The following MYO10 variants were observed in gnomAD, a reference collection of about 807,000 sequenced individuals.
MYO10 encodes myosin X, also known as unconventional myosin-X.
In MYO10, 133 loss-of-function variants were observed where a neutral mutation model predicts 257.3. The observed-to-expected ratio is 0.52, with a 90% CI of 0.45 to 0.60. The LOEUF (loss-of-function observed/expected upper bound fraction) is 0.60, where lower values mean the gene tolerates loss of function less well. MYO10 is among the 20% of genes least tolerant of loss of function. The probability of loss-of-function intolerance (pLI) is 0.00; values close to 1 mark genes in which losing one functional copy is unlikely to be tolerated. For missense variants in MYO10, 2,399 were observed against 2,635.7 expected, an observed-to-expected ratio of 0.91 and a Z score of 1.97; for synonymous variants, 1,104 against 1,028.6, an observed-to-expected ratio of 1.07 and a Z score of -1.40.
rs1241360143 is a variant in MYO10, at chr5:16,672,796, G to A, written c.5202C>T (p.Ala1734=). ...EVVEKLIRGL[A]MEDSRNMFAL... Reference sequence around the variant, plus strand: ...CAAACATGTTCCTGCTGTCCTCCATGGCCAGGCCTCGGATCAGCTTCTCCA... The same window carrying A: ...CAAACATGTTCCTGCTGTCCTCCATAGCCAGGCCTCGGATCAGCTTCTCCA... The change falls in exon 37 of 41, where the codon GCC becomes GCT. Residue 1734 remains alanine (A), a synonymous_variant. Coordinates refer to ENST00000513610, the MANE Select transcript of MYO10 (RefSeq NM_012334.3). 2 of 1,613,716 alleles carry A rather than the reference G, an allele frequency of 1.2e-6. No individual in the cohort carries two copies. The highest frequency in any genetic ancestry group is 2.2e-5 in the South Asian group (2 of 91,024).
In MYO10 at chr5:16,676,023, G is replaced by A; in HGVS notation, c.4666+8C>T. ...CTCTGAGGAGTCGGGGTGGAGCTCT[G>A]GACTTACAGTTGAGATTTATGTCCC... On this transcript the variant is annotated splice_region_variant and intron_variant, in intron 34 of 40. Transcript: ENST00000513610. 1 of 1,606,060 alleles carries A rather than the reference G, an allele frequency of 6.2e-7. No individual in the cohort carries two copies. The highest frequency in any genetic ancestry group is 8.5e-7 in the Non-Finnish European group (1 of 1,177,264).
chr5:16,878,926 A>C (rs1744684229), intron 1 of MYO10, among the ~76,000 whole-genome samples: 1 of 151,888 alleles, frequency 6.6e-6, no homozygotes, highest in Non-Finnish European at 1.5e-5. Context: ...AGAAATCACC[A>C]CTGAATAACA....
chr5:16,857,403 G>A (rs891718676), intron 2 of MYO10, among the ~76,000 whole-genome samples: 4 of 152,174 alleles, frequency 2.6e-5, no homozygotes, highest in African/African-American at 4.8e-5. Context: ...GGAGGAAGAC[G>A]GTGTATGAGA....
intron 2 of MYO10, among the ~76,000 whole-genome samples, chr5:16,858,029 C>T (rs1313409477): frequency 6.6e-6 from 1 of 152,182 alleles, no homozygotes; most frequent in Non-Finnish European, 1.5e-5. Flanking sequence ...ACGGTCCATA[C>T]GTGAAGCTTT....
rs1367710364 is a variant in MYO10, at chr5:16,758,000, T to C, written c.1848+118A>G. 2.0e-5 allele frequency: 16 copies of C among 802,424 alleles called. No homozygotes were observed. In the East Asian group the frequency reaches 3.1e-4, roughly 16 times the overall value. 49.7% of individuals were successfully genotyped at this position (802,424 alleles called of 1,614,324 possible). ...CACTATCTGGTTTAAAAGCATGATA[T>C]AAAAGGAAACAAAAATAAACAAATA... On this transcript the variant is annotated intron_variant, in intron 18 of 40. Transcript: ENST00000513610.
In MYO10 at chr5:16,694,274, C is replaced by A. The variant is rs534026542; in HGVS notation, c.3800+97G>T. 17 of 1,557,248 alleles carry A rather than the reference C, an allele frequency of 1.1e-5. 1 individual carries two copies. Among genetic ancestry groups the A allele is most frequent in the Middle Eastern group, 2.0e-4 (1 of 5,058 alleles). On this transcript the variant is annotated intron_variant, in intron 27 of 40. Coordinates refer to ENST00000513610, the MANE Select transcript of MYO10 (RefSeq NM_012334.3). ...GAACTATCAGGACACCTGCTACAGG[C>A]TACTGCCGCTGCAAGGAACTTGCAC...
rs116487313 is a variant in MYO10 at position 16,883,296 on chromosome 5, G to A, written c.22-5589C>T. ...TTCTTAACCATTCCAGAGTAGGAAA[G>A]CCCAATCACATTTCTGTAACTGAGC... On this transcript the variant is annotated intron_variant, in intron 1 of 40. Coordinates refer to ENST00000513610, the MANE Select transcript of MYO10 (RefSeq NM_012334.3). 7.8e-3 allele frequency among the ~76,000 whole-genome samples: 1,194 copies of A among 152,268 alleles called. 9 individuals carry two copies. The highest frequency in any genetic ancestry group is 0.014 in the Middle Eastern group (4 of 294).
intron 3 of MYO10, among the ~76,000 whole-genome samples, chr5:16,813,044 A>G (rs1272155033): frequency 6.6e-6 from 1 of 152,164 alleles, no homozygotes; most frequent in East Asian, 1.9e-4. Context: ...CCAGTCCCCA[A>G]GGAGAAAAAG....
At chr5:16,883,138 A>G (rs1744804792) in intron 1 of MYO10, among the ~76,000 whole-genome samples, 1 of 151,932 alleles carries the variant, frequency 6.6e-6, no homozygotes, top group Non-Finnish European at 1.5e-5. Flanking sequence ...GATGGTCTTG[A>G]TCTCCTGACC....
At chr5:16,729,974 G>A (rs535835914) in intron 19 of MYO10, among the ~76,000 whole-genome samples, 8 of 152,164 alleles carry the variant, frequency 5.3e-5, no homozygotes, top group Non-Finnish European at 1.2e-4. Flanking sequence ...ATTAAAGGAA[G>A]AGGGGCACCG....
At chr5:16,796,111 C>G (rs1741932381) in intron 3 of MYO10, among the ~76,000 whole-genome samples, 1 of 149,732 alleles carries the variant, frequency 6.7e-6, no homozygotes, top group Non-Finnish European at 1.5e-5. Context: ...ATCTCTTGAA[C>G]CTGGGAGGTG....
chr5:16,783,232 G>A, intron 5 of MYO10, 103 bp downstream of exon 5: 1 of 1,206,412 alleles, frequency 8.3e-7, no homozygotes, highest in African/African-American at 1.5e-5. Context: ...GAGAAGTCAA[G>A]AAAAAGAGAA....
chr5:16,927,937 T>A (rs890721377), intron 1 of MYO10, among the ~76,000 whole-genome samples: 1 of 152,210 alleles, frequency 6.6e-6, no homozygotes, highest in East Asian at 1.9e-4. Context: ...AGGAATGCTC[T>A]TGGGAAAACG....
rs537141618 is a variant in MYO10, at chr5:16,935,476, CCGCGCCCCGGCG to C, written c.21+300_21+311del. On this transcript the variant is annotated intron_variant, in intron 1 of 40. Coordinates refer to ENST00000513610, the MANE Select transcript of MYO10 (RefSeq NM_012334.3). ...CAGTCGAGCGGGCGGATCGCCCCGC[CCGCGCCCCGGCG>C]CGCGCCGCCTCACCTGGCGCGGGTG... Among the ~76,000 whole-genome samples the C allele has an allele frequency of 2.8e-4, 43 of 152,198 alleles. 1 individual carries two copies. Among genetic ancestry groups the C allele is most frequent in the African/African-American group, 8.7e-4 (36 of 41,550 alleles).
chr5:16,853,171 C>T (rs1743859916), intron 2 of MYO10, among the ~76,000 whole-genome samples: 1 of 152,058 alleles, frequency 6.6e-6, no homozygotes, highest in Non-Finnish European at 1.5e-5. Context: ...GAGATCGAGA[C>T]CATCCTGGCT....
At chr5:16,883,503 G>A (rs1220348169) in intron 1 of MYO10, among the ~76,000 whole-genome samples, 1 of 152,190 alleles carries the variant, frequency 6.6e-6, no homozygotes, top group East Asian at 1.9e-4. Flanking sequence ...GTACCATGGT[G>A]TCATTGTGGA....
At chr5:16,899,180 G>A (rs2126782435) in intron 1 of MYO10, among the ~76,000 whole-genome samples, 1 of 147,962 alleles carries the variant, frequency 6.8e-6, no homozygotes, top group Non-Finnish European at 1.5e-5. Flanking sequence ...AAAGATAACA[G>A]ACACAAATGC....
intron 39 of MYO10, among the ~76,000 whole-genome samples, chr5:16,669,215 CT>C (rs1346503448): frequency 2.5e-5 from 1 of 40,292 alleles, no homozygotes; most frequent in Non-Finnish European, 6.9e-5. Context: ...CAGTAGCTTT[CT>C]TTTTTCTTTT....
chr5:16,795,430 C>T (rs1193283341), intron 3 of MYO10, among the ~76,000 whole-genome samples: 3 of 152,022 alleles, frequency 2.0e-5, no homozygotes, highest in African/African-American at 7.3e-5. Flanking sequence ...ATGGTGAAAC[C>T]CCATCTCTAC....
Sources: allele counts gnomAD v4.1 joint callset (sites outside exome capture counted in the v4.1 genomes callset), GRCh38; gene constraint gnomAD v4.1.1; transcripts MANE v1.5; gene names NCBI Gene and HGNC (gene_info 2026-07-23, HGNC 2026-07-21).